Variants in HIP1 observed in about 807,000 individuals in gnomAD.
HIP1 encodes the protein huntingtin interacting protein 1.
Under a neutral mutation model 147.6 loss-of-function variants are expected in HIP1, and 65 were observed. The observed-to-expected ratio is 0.44, with a 90% confidence interval of 0.36 to 0.54. The LOEUF is 0.54. Among genes scored for constraint, HIP1 ranks in the 20% least tolerant of loss-of-function variants. HIP1 has a pLI of 0.00. For missense variants in HIP1, 1,061 were observed against 1,299.6 expected (o/e 0.82, Z 2.82); for synonymous variants, 479 against 504.0 (o/e 0.95, Z 0.67).
At chr7:75,676,121 T>A (rs1234446682) in intron 1 of HIP1, among the ~76,000 whole-genome samples, 1 of 152,222 alleles carries the variant, frequency 6.6e-6, no homozygotes, top group Non-Finnish European at 1.5e-5. Context: ...TGCTGTTTAT[T>A]GTGGTTGCTG....
intron 1 of HIP1, among the ~76,000 whole-genome samples, chr7:75,680,047 T>C (rs1237733016): frequency 2.0e-5 from 3 of 152,212 alleles, no homozygotes; most frequent in Admixed American, 1.3e-4. Context: ...GATTGATTCA[T>C]TCATTCATTC....
At position 75,700,798 on chromosome 7, in the gene HIP1, C is replaced by T. The variant is rs182656768; in HGVS notation, c.120+38003G>A. The stretch of plus-strand genomic sequence containing the variant: ...TCGGCTCACTGCAAACTCCGCCTCC[C>T]GGGTTCACGCCATTCTCCTGCCTCA... On this transcript the variant is annotated intron_variant, in intron 1 of 30. Coordinates refer to ENST00000336926, the MANE Select transcript of HIP1 (RefSeq NM_005338.7). Among the ~76,000 whole-genome samples, 315 of 152,060 alleles carry T rather than the reference C, an allele frequency of 2.1e-3. 1 individual carries two copies. Among genetic ancestry groups the T allele is most frequent in the Admixed American group, 3.2e-3 (49 of 15,268 alleles).
chr7:75,602,713 C>T (rs1218663319), intron 1 of HIP1, among the ~76,000 whole-genome samples: 1 of 151,722 alleles, frequency 6.6e-6, no homozygotes, highest in Non-Finnish European at 1.5e-5. Context: ...ATTTTCTTCT[C>T]CTGACCAGAC....
chr7:75,579,264 C>T (rs1256122310), intron 7 of HIP1, among the ~76,000 whole-genome samples: 2 of 152,262 alleles, frequency 1.3e-5, no homozygotes, highest in East Asian at 1.9e-4. Context: ...GCTTCCTAGT[C>T]GGCTGAATGT....
intron 1 of HIP1, among the ~76,000 whole-genome samples, chr7:75,662,146 T>C (rs1426968208): frequency 6.6e-6 from 1 of 151,746 alleles, no homozygotes; most frequent in Admixed American, 6.6e-5. Context: ...TCAGAGATGA[T>C]GAGGAGGCTC....
At chr7:75,687,691 C>CAAACA (rs782591601) in intron 1 of HIP1, among the ~76,000 whole-genome samples, 5 of 152,124 alleles carry the variant, frequency 3.3e-5, no homozygotes, top group African/African-American at 9.7e-5. Flanking sequence ...AACTCCGTCT[C>CAAACA]AAACAAAACA....
intron 1 of HIP1, among the ~76,000 whole-genome samples, chr7:75,664,577 T>C (rs778130499): frequency 6.1e-5 from 9 of 147,448 alleles, no homozygotes; most frequent in South Asian, 4.4e-4. Context: ...TACGTATACA[T>C]ACATATATAT....
At chr7:75,712,943 TACTC>T (rs1463705949) in intron 1 of HIP1, among the ~76,000 whole-genome samples, 6 of 152,204 alleles carry the variant, frequency 3.9e-5, no homozygotes, top group African/African-American at 1.4e-4. Flanking sequence ...CTTACTCAAT[TACTC>T]ACATATTCAA....
intron 1 of HIP1, among the ~76,000 whole-genome samples, chr7:75,683,130 C>A (rs571770202): frequency 6.6e-6 from 1 of 151,900 alleles, no homozygotes; most frequent in African/African-American, 2.4e-5. Context: ...TACAGGCGTG[C>A]GCTACCATGC....
rs1554488251 is a variant in HIP1 at position 75,534,796 on chromosome 7, TAA to T, written c.*3374_*3375del. ...GTCTCAGGGCACTGTCTTACAAACT[TAA>T]GTAACAGATGCAGCTGTTTTTTAAC... On this transcript the variant is annotated 3_prime_UTR_variant, in exon 31 of 31. Coordinates refer to ENST00000336926, the MANE Select transcript of HIP1 (RefSeq NM_005338.7). 22 of 196,254 alleles carry T rather than the reference TAA, an allele frequency of 1.1e-4. No individual in the cohort carries two copies. Among genetic ancestry groups the T allele is most frequent in the Non-Finnish European group, 2.1e-5 (2 of 94,572 alleles). The allele number at this position is 196,254 out of a possible 1,614,324, so 12.2% of individuals were successfully genotyped here. A position where few individuals can be genotyped will look rare whatever the true frequency, so the allele number is the denominator to read the frequency against.
chr7:75,567,175 T>G (rs1358286524), intron 9 of HIP1, among the ~76,000 whole-genome samples: 1 of 150,872 alleles, frequency 6.6e-6, no homozygotes, highest in African/African-American at 2.5e-5. Context: ...TTTTTTGTTT[T>G]TTTTTTTTGA....
At chr7:75,555,685 G>A (rs1290400822) in intron 18 of HIP1, 134 bp from the exon 19 acceptor site, 2 of 961,924 alleles carry the variant, frequency 2.1e-6, no homozygotes, top group African/African-American at 1.6e-5. Context: ...GCCTGAGACA[G>A]AGAAAGGCGC....
intron 1 of HIP1, among the ~76,000 whole-genome samples, chr7:75,658,670 C>A (rs185399125): frequency 2.4e-4 from 37 of 151,792 alleles, no homozygotes; most frequent in African/African-American, 8.7e-4. Flanking sequence ...AATCCCAACA[C>A]TTTGGGAGGC....
At chr7:75,560,240 C>CT (rs1188254544) in intron 13 of HIP1, among the ~76,000 whole-genome samples, 149 of 147,784 alleles carry the variant, frequency 1.0e-3, no homozygotes, top group South Asian at 2.6e-3. Context: ...TGTCTCTTCT[C>CT]TTTTTTTTTT....
At position 75,573,867 on chromosome 7, in the gene HIP1, G is replaced by T. The variant is rs781921577; in HGVS notation, c.639C>A (p.Ser213=). The change falls in exon 8 of 31, where the codon TCC becomes TCA. Residue 213 remains serine, a synonymous_variant. Transcript: ENST00000336926. ...GGCGGCACTGCCCTGCTGCCGTCACGGACACAGAGCGGGACATGTCCAGGG... is the reference window on the plus strand; with the variant it reads ...GGCGGCACTGCCCTGCTGCCGTCACTGACACAGAGCGGGACATGTCCAGGG... ...FNSLDMSRSV[S]VTAAGQCRLA... 12 of 1,614,094 alleles carry T rather than the reference G, an allele frequency of 7.4e-6. No individual in the cohort carries two copies. In the South Asian group the frequency reaches 1.3e-4, roughly 18 times the overall value.
At chr7:75,546,121 CAT>C (rs1584776900) in intron 25 of HIP1, among the ~76,000 whole-genome samples, 1 of 152,074 alleles carries the variant, frequency 6.6e-6, no homozygotes, top group East Asian at 1.9e-4. Flanking sequence ...TAAATATTCT[CAT>C]ATGAATAAGT....
At chr7:75,557,167 C>A (rs149731954) in intron 16 of HIP1, among the ~76,000 whole-genome samples, 2,608 of 151,932 alleles carry the variant, frequency 0.017, 84 homozygotes, top group African/African-American at 0.059. Flanking sequence ...GCCTCCCAAG[C>A]AGCTGGGACT....
chr7:75,623,832 C>T (rs782015937), intron 1 of HIP1, among the ~76,000 whole-genome samples: 4 of 152,122 alleles, frequency 2.6e-5, no homozygotes, highest in East Asian at 1.9e-4. Flanking sequence ...TTTGGGAGGC[C>T]GAGGCGGGAG....
chr7:75,681,954 A>G (rs1800089592), intron 1 of HIP1, among the ~76,000 whole-genome samples: 1 of 151,756 alleles, frequency 6.6e-6, no homozygotes, highest in Middle Eastern at 3.2e-3. Context: ...AAAGAGGTCA[A>G]TAAACGTCCA....
Sources: gnomAD v4.1 joint callset for allele counts (sites outside exome capture counted in the v4.1 genomes callset) on GRCh38, gnomAD v4.1.1 for gene constraint, MANE v1.5 for transcripts, NCBI Gene and HGNC (gene_info 2026-07-23, HGNC 2026-07-21) for gene names.